SLC35F4: variants seen among roughly 807,000 people sequenced by gnomAD.
SLC35F4 encodes chromosome 14 open reading frame 36.
A neutral mutation model predicts 44.2 loss-of-function variants in SLC35F4; 24 were observed. That is an observed-to-expected ratio of 0.54 (90% CI 0.39 to 0.76). The LOEUF (loss-of-function observed/expected upper bound fraction) is 0.76, where lower values mean the gene tolerates loss of function less well. Ranked by LOEUF, SLC35F4 falls within the 30% of genes least tolerant of loss-of-function variation. SLC35F4 has a pLI of 0.00. For missense variants in SLC35F4, 562 were observed against 586.1 expected (o/e 0.96, Z 0.42); for synonymous variants, 238 against 223.6 (o/e 1.06, Z -0.57).
chr14:57,566,538 C>T lies in SLC35F4; in HGVS notation c.1153G>A (p.Val385Met). The change falls in exon 7 of 8, where the codon GTG becomes ATG. Residue 385 changes from valine (V) to methionine (M), a missense_variant. Coordinates refer to ENST00000556826, the MANE Select transcript of SLC35F4 (RefSeq NM_001306087.2). ...ATTAGGATTGGGTATGTCAGCACCA[C>T]CCCAACATTCACCAGGATGTTGAAG... ...LAFNILVNVG[V>M]VLTYPILISI... The T allele has an allele frequency of 6.2e-7, 1 of 1,602,018 alleles. No individual in the cohort carries two copies.
chr14:57,703,770 A>T (rs1379121372), intron 1 of SLC35F4, among the ~76,000 whole-genome samples: 2 of 152,228 alleles, frequency 1.3e-5, no homozygotes, highest in Non-Finnish European at 2.9e-5. Context: ...CACTCTAATA[A>T]GCTGAAAATA....
chr14:57,923,964 G>T (rs1889494823), intron 1 of SLC35F4, among the ~76,000 whole-genome samples: 2 of 152,222 alleles, frequency 1.3e-5, no homozygotes, highest in Admixed American at 6.5e-5. Context: ...ATTGAGTTAT[G>T]GGGGTGGGTC....
chr14:57,774,619 T>C (rs2042111826), intron 1 of SLC35F4, among the ~76,000 whole-genome samples: 1 of 152,162 alleles, frequency 6.6e-6, no homozygotes, highest in Non-Finnish European at 1.5e-5. Context: ...TGCTGGCCTT[T>C]CTCAGGGCCT....
intron 1 of SLC35F4, among the ~76,000 whole-genome samples, chr14:57,932,111 C>A (rs2141066458): frequency 6.6e-6 from 1 of 152,328 alleles, no homozygotes; most frequent in East Asian, 1.9e-4. Flanking sequence ...CCTTATAATA[C>A]CTTCCCCCAG....
At chr14:57,729,552 G>A (rs556439806) in intron 1 of SLC35F4, among the ~76,000 whole-genome samples, 1 of 152,212 alleles carries the variant, frequency 6.6e-6, no homozygotes, top group South Asian at 2.1e-4. Context: ...GCTTGGGATG[G>A]GGGCCTCATG....
At chr14:57,761,986 C>T (rs2077135399) in intron 1 of SLC35F4, among the ~76,000 whole-genome samples, 1 of 152,050 alleles carries the variant, frequency 6.6e-6, no homozygotes, top group Admixed American at 6.6e-5. Context: ...AGGCTGAAAA[C>T]AAGGAATTTG....
intron 1 of SLC35F4, among the ~76,000 whole-genome samples, chr14:57,733,031 T>C (rs12895381): frequency 0.29 from 44,533 of 151,684 alleles, 7,782 homozygotes; most frequent in South Asian, 0.39. Context: ...TGTGTAAATA[T>C]GAAAAAAAAA....
chr14:57,925,519 G>GAGGGAGGAAGGAAGGAAGGAAGGAAGGA (rs1566931001), intron 1 of SLC35F4, among the ~76,000 whole-genome samples: 14 of 65,304 alleles, frequency 2.1e-4, no homozygotes, highest in East Asian at 1.7e-3. Flanking sequence ...GGGAGGGAGG[G>GAGGGAGGAAGGAAGGAAGGAAGGAAGGA]AGGGAGGGAG....
chr14:57,782,268 G>C (rs2077640152), intron 1 of SLC35F4, among the ~76,000 whole-genome samples: 1 of 150,912 alleles, frequency 6.6e-6, no homozygotes, highest in Admixed American at 6.6e-5. Context: ...TAATGAGTTT[G>C]AACTTCACAC....
chr14:57,779,598 C>T lies in SLC35F4; in HGVS notation c.103+86125G>A, dbSNP rs181281339. 7.6e-4 allele frequency among the ~76,000 whole-genome samples: 116 copies of T among 152,252 alleles called. 1 individual carries two copies. The highest frequency in any genetic ancestry group is 3.4e-3 in the Middle Eastern group (1 of 294). On this transcript the variant is annotated intron_variant, in intron 1 of 7. Coordinates refer to ENST00000556826, the MANE Select transcript of SLC35F4 (RefSeq NM_001306087.2). ...TCTCATTCTATGAGGCCAGAATCATCCTGATACCAAAATCTGGCAGAGATA... is the reference window on the plus strand; with the variant it reads ...TCTCATTCTATGAGGCCAGAATCATTCTGATACCAAAATCTGGCAGAGATA...
intron 7 of SLC35F4, among the ~76,000 whole-genome samples, chr14:57,565,611 C>T (rs2068167396): frequency 6.6e-6 from 1 of 152,202 alleles, no homozygotes; most frequent in African/African-American, 2.4e-5. Flanking sequence ...TCCTTGACAA[C>T]TCCACTCTGA....
At position 57,911,574 on chromosome 14, in the gene SLC35F4, G is replaced by GT. The variant is rs561795472; in HGVS notation, n.282+70338dup. ...TGTTTTTCTTTGTTAGCCTGTTGAT[G>GT]TAACAGATTACATTAATTGATATTC... On this transcript the variant is annotated intron_variant and non_coding_transcript_variant, in intron 1 of 1. Coordinates refer to the SLC35F4 transcript ENST00000556568. Among the ~76,000 whole-genome samples, 15 of 152,084 alleles carry GT rather than the reference G, an allele frequency of 9.9e-5. No individual in the cohort carries two copies. In the South Asian group the frequency reaches 3.1e-3, roughly 32 times the overall value.
At chr14:57,768,353 C>T (rs1313929481) in intron 1 of SLC35F4, among the ~76,000 whole-genome samples, 1 of 152,192 alleles carries the variant, frequency 6.6e-6, no homozygotes, top group East Asian at 1.9e-4. Context: ...TAAGAGAATG[C>T]AATGAGCATT....
intron 1 of SLC35F4, among the ~76,000 whole-genome samples, chr14:57,717,161 AAATATGGGAGT>A: frequency 6.6e-6 from 1 of 152,328 alleles, no homozygotes. Context: ...GTGCTATGAT[AAATATGGGAGT>A]GCAGAAATGT....
At chr14:57,642,813 A>G (rs1566717687) in intron 1 of SLC35F4, among the ~76,000 whole-genome samples, 1 of 152,010 alleles carries the variant, frequency 6.6e-6, no homozygotes, top group Non-Finnish European at 1.5e-5. Flanking sequence ...GATTTTTACC[A>G]ACTAAAATAA....
chr14:57,592,413 C>G (rs933191834), intron 2 of SLC35F4, among the ~76,000 whole-genome samples: 15 of 152,204 alleles, frequency 9.9e-5, no homozygotes, highest in African/African-American at 3.6e-4. Context: ...CTGGAATATC[C>G]CCAAGTGCTT....
chr14:57,966,613 T>C (rs1022558424), intron 1 of SLC35F4, among the ~76,000 whole-genome samples: 12 of 152,180 alleles, frequency 7.9e-5, no homozygotes, highest in Non-Finnish European at 1.8e-4. Context: ...AAAGCACTTC[T>C]TAGAAATTAA....
chr14:57,656,175 G>C (rs537606777), intron 1 of SLC35F4, among the ~76,000 whole-genome samples: 4 of 151,860 alleles, frequency 2.6e-5, no homozygotes, highest in Admixed American at 2.6e-4. Flanking sequence ...CCTATCTTGC[G>C]TATTAACCAC....
intron 1 of SLC35F4, among the ~76,000 whole-genome samples, chr14:57,904,645 A>G (rs893518168): frequency 6.6e-6 from 1 of 152,140 alleles, no homozygotes; most frequent in African/African-American, 2.4e-5. Flanking sequence ...CTGTGTCAGG[A>G]TCTAGGATAA....
Sources: allele counts gnomAD v4.1 joint callset (sites outside exome capture counted in the v4.1 genomes callset), GRCh38; gene constraint gnomAD v4.1.1; transcripts MANE v1.5; gene names NCBI Gene and HGNC (gene_info 2026-07-23, HGNC 2026-07-21).